PAPPA2: variants seen among roughly 807,000 people sequenced by gnomAD.
PAPPA2 encodes the protein pappalysin-2.
A neutral mutation model predicts 176.4 loss-of-function variants in PAPPA2; 86 were observed. The ratio of observed to expected loss-of-function variants is 0.49; its 90% CI spans 0.41 to 0.58. The LOEUF (loss-of-function observed/expected upper bound fraction) is 0.58. Ranked by LOEUF, PAPPA2 falls within the 20% of genes least tolerant of loss-of-function variation. PAPPA2 has a pLI of 0.00. For synonymous variants in PAPPA2, 809 were observed against 852.2 expected (o/e 0.95, Z 0.88); for missense variants, 2,073 against 2,256.9 (o/e 0.92, Z 1.65).
chr1:176,842,326 A>G, intron 22 of PAPPA2, 54 bp from the exon 23 acceptor site: 1 of 1,492,230 alleles, frequency 6.7e-7, no homozygotes, highest in South Asian at 1.1e-5. Flanking sequence ...CTCGTTTAAA[A>G]GTGTGAAGCT....
At chr1:176,779,515 C>CA (rs1557866226) in intron 17 of PAPPA2, among the ~76,000 whole-genome samples, 1 of 116,152 alleles carries the variant, frequency 8.6e-6, no homozygotes, top group East Asian at 2.0e-4. Context: ...CACACACACA[C>CA]ACACAGAGAG....
intron 8 of PAPPA2, 122 bp from the exon 9 acceptor site, chr1:176,702,485 G>C: frequency 6.6e-6 from 9 of 1,373,716 alleles, no homozygotes; most frequent in Non-Finnish European, 8.8e-6. Context: ...ACAATGCAGC[G>C]TATGTTTAAC....
intron 3 of PAPPA2, among the ~76,000 whole-genome samples, chr1:176,604,184 C>T (rs192261221): frequency 6.6e-6 from 1 of 152,284 alleles, no homozygotes; most frequent in East Asian, 1.9e-4. Flanking sequence ...TGAGGCCTTC[C>T]CTGGAGACCT....
intron 2 of PAPPA2, among the ~76,000 whole-genome samples, chr1:176,574,616 A>G (rs1489166219): frequency 6.6e-6 from 1 of 152,198 alleles, no homozygotes; most frequent in African/African-American, 2.4e-5. Flanking sequence ...GGAGATTCTC[A>G]TGAGGCTCCT....
intron 1 of PAPPA2, among the ~76,000 whole-genome samples, chr1:176,489,243 G>T (rs1288198116): frequency 6.6e-6 from 1 of 152,048 alleles, no homozygotes; most frequent in Admixed American, 6.6e-5. Context: ...TTTAAAAATT[G>T]CATGTTGTGG....
At chr1:176,748,451 A>G (rs1360230242) in intron 14 of PAPPA2, among the ~76,000 whole-genome samples, 1 of 152,216 alleles carries the variant, frequency 6.6e-6, no homozygotes, top group Non-Finnish European at 1.5e-5. Context: ...TCTTTTATCT[A>G]GAAAAAGCAC....
intron 3 of PAPPA2, among the ~76,000 whole-genome samples, chr1:176,669,744 C>T (rs1417918580): frequency 9.9e-5 from 15 of 152,058 alleles, no homozygotes; most frequent in African/African-American, 3.4e-4. Flanking sequence ...AATAAATAAA[C>T]AATCTTTGGG....
intron 1 of PAPPA2, among the ~76,000 whole-genome samples, chr1:176,551,452 A>G (rs1397561652): frequency 6.6e-6 from 1 of 152,148 alleles, no homozygotes; most frequent in Non-Finnish European, 1.5e-5. Flanking sequence ...TGGAACCAGA[A>G]AGTCAAAGAG....
intron 1 of PAPPA2, among the ~76,000 whole-genome samples, chr1:176,545,983 G>C (rs911502699): frequency 6.6e-6 from 1 of 152,188 alleles, no homozygotes; most frequent in Non-Finnish European, 1.5e-5. Context: ...GAAGGTGGCA[G>C]TGTGCAAGAG....
rs368058619 is a variant in PAPPA2, at chr1:176,556,965, A to G, written c.643A>G (p.Ile215Val). 2 of 1,614,032 alleles carry G rather than the reference A, an allele frequency of 1.2e-6. No homozygotes were observed. The highest frequency in any genetic ancestry group is 1.1e-5 in the South Asian group (1 of 91,070). Residue 215 changes from isoleucine to valine, a missense_variant, in exon 2 of 23, where the codon ATC (isoleucine) becomes GTC (valine). Ile to Val is a conservative substitution (Grantham distance 29). This residue lies in a region of PAPPA2 where 1,196 missense variants were observed against 1,330.4 expected (regional missense o/e 0.90). Coordinates refer to ENST00000367662, the MANE Select transcript of PAPPA2 (RefSeq NM_020318.3). ...GGAAGATGGGCAGGGAGACTCCGGT[A>G]TCTCTTCACATTTCCAACCTTGGCC... ...RAEDGQGDSG[I>V]SSHFQPWPKH...
intron 12 of PAPPA2, among the ~76,000 whole-genome samples, chr1:176,725,430 C>T (rs1004739968): frequency 6.6e-6 from 1 of 152,092 alleles, no homozygotes; most frequent in African/African-American, 2.4e-5. Context: ...TAAACAATGC[C>T]TCATATGAAC....
chr1:176,772,743 G>A (rs1664291039), intron 17 of PAPPA2, among the ~76,000 whole-genome samples: 1 of 152,190 alleles, frequency 6.6e-6, no homozygotes, highest in East Asian at 1.9e-4. Flanking sequence ...GATTTTCATA[G>A]CATCTAGAGG....
chr1:176,756,234 C>T (rs145965819), intron 14 of PAPPA2, among the ~76,000 whole-genome samples: 259 of 152,218 alleles, frequency 1.7e-3, no homozygotes, highest in African/African-American at 6.1e-3. Flanking sequence ...GAATTACAGG[C>T]GTGAGCCACT....
intron 12 of PAPPA2, among the ~76,000 whole-genome samples, chr1:176,730,921 C>T (rs1476657430): frequency 2.6e-5 from 4 of 151,804 alleles, no homozygotes; most frequent in Non-Finnish European, 5.9e-5. Flanking sequence ...TTTTATTGTG[C>T]CAGCTGTGTC....
In PAPPA2 at chr1:176,695,662, G is replaced by A. The variant is rs183166615; in HGVS notation, c.2625-76G>A. ...CAACCCCTGCCCTCCCCACACAAAG[G>A]TCTTTCTAATTTTCTTATCCCAACT... On this transcript the variant is annotated intron_variant, in intron 6 of 22. Transcript: ENST00000367662. 5.7e-5 allele frequency: 87 copies of A among 1,527,936 alleles called. No homozygotes were observed. In the East Asian group the frequency reaches 1.9e-3, roughly 34 times the overall value. 94.6% of individuals were successfully genotyped at this position (1,527,936 alleles called of 1,614,324 possible).
At chr1:176,594,371 A>C (rs1653827530) in intron 2 of PAPPA2, among the ~76,000 whole-genome samples, 153 bp from the exon 3 acceptor site, 1 of 152,210 alleles carries the variant, frequency 6.6e-6, no homozygotes, top group South Asian at 2.1e-4. Context: ...TAGGGATATG[A>C]GCAGGCATCT....
At chr1:176,637,322 G>T (rs753512031) in intron 3 of PAPPA2, among the ~76,000 whole-genome samples, 1 of 152,146 alleles carries the variant, frequency 6.6e-6, no homozygotes, top group African/African-American at 2.4e-5. Context: ...GGCATGACCA[G>T]CATTTATTTC....
At chr1:176,729,501 C>T (rs1662032879) in intron 12 of PAPPA2, among the ~76,000 whole-genome samples, 1 of 151,980 alleles carries the variant, frequency 6.6e-6, no homozygotes, top group African/African-American at 2.4e-5. Flanking sequence ...CACAATGTAC[C>T]AGAATCTCTG....
At chr1:176,797,856 A>G (rs887964456) in intron 20 of PAPPA2, among the ~76,000 whole-genome samples, 1 of 152,148 alleles carries the variant, frequency 6.6e-6, no homozygotes, top group African/African-American at 2.4e-5. Flanking sequence ...TATTAATGGC[A>G]TATACATATA....
Sources: gnomAD v4.1 joint callset for allele counts (sites outside exome capture counted in the v4.1 genomes callset) on GRCh38, gnomAD v4.1.1 for gene constraint, gnomAD v4.1.1 regional missense constraint, MANE v1.5 for transcripts, NCBI Gene and HGNC (gene_info 2026-07-23, HGNC 2026-07-21) for gene names.